The following TMEM117 variants were observed in gnomAD, a reference collection of about 807,000 sequenced individuals.
TMEM117 encodes the protein transmembrane protein 117.
A neutral mutation model predicts 52.4 loss-of-function variants in TMEM117; 27 were observed. The observed-to-expected ratio is 0.51, with a 90% CI of 0.38 to 0.71. The LOEUF (loss-of-function observed/expected upper bound fraction) is 0.71. TMEM117 is among the 30% of genes least tolerant of loss of function. The probability of loss-of-function intolerance (pLI) is 0.00; values close to 1 mark genes in which losing one functional copy is unlikely to be tolerated. For synonymous variants in TMEM117, 215 were observed against 206.3 expected (o/e 1.04, Z -0.36); for missense variants, 556 against 630.5 (o/e 0.88, Z 1.26).
intron 3 of TMEM117, among the ~76,000 whole-genome samples, chr12:44,032,758 C>T (rs1425027436): frequency 7.2e-5 from 11 of 152,180 alleles, no homozygotes. Context: ...TGCTTTCTGA[C>T]TGAGCTCCTC....
intron 2 of TMEM117, among the ~76,000 whole-genome samples, chr12:43,884,526 G>T (rs547519869): frequency 1.3e-5 from 2 of 152,006 alleles, no homozygotes; most frequent in South Asian, 2.1e-4. Flanking sequence ...TTGATGAGGG[G>T]GTTTTGATCC....
chr12:44,212,258 A>G (rs571832647), intron 5 of TMEM117, among the ~76,000 whole-genome samples: 7 of 152,246 alleles, frequency 4.6e-5, no homozygotes, highest in African/African-American at 1.2e-4. Flanking sequence ...CGGGAGATCA[A>G]TCGTCTCTTT....
chr12:44,049,922 G>C (rs563465752), intron 3 of TMEM117, among the ~76,000 whole-genome samples: 9 of 152,336 alleles, frequency 5.9e-5, no homozygotes, highest in Admixed American at 5.2e-4. Flanking sequence ...TTGATACTTA[G>C]TGAGTAATAA....
rs1386658258 is a variant in TMEM117 at position 44,264,397 on chromosome 12, C to T, written c.609-35183C>T. ...AGAATCCCCTATCAGCTATGCTAGT[C>T]CCCTCCATATTTGTTACCTTAACTC... On this transcript the variant is annotated intron_variant, in intron 5 of 7. Coordinates refer to ENST00000266534, the MANE Select transcript of TMEM117 (RefSeq NM_032256.3). Among the ~76,000 whole-genome samples the T allele has an allele frequency of 2.6e-5, 4 of 152,134 alleles. No individual in the cohort carries two copies. In the East Asian group the frequency reaches 7.7e-4, roughly 29 times the overall value.
chr12:44,390,215 C>A (rs994592796), downstream of TMEM117, among the ~76,000 whole-genome samples: 4 of 151,832 alleles, frequency 2.6e-5, no homozygotes, highest in Admixed American at 6.6e-5. Context: ...CACACACACA[C>A]ACACACACAC....
chr12:43,933,718 A>G lies in TMEM117; in HGVS notation c.278-10492A>G, dbSNP rs1368888966. Among the ~76,000 whole-genome samples the G allele has an allele frequency of 3.3e-5, 5 of 150,766 alleles. No homozygotes were observed. The East Asian group carries it at 1.0e-3, about 30-fold the overall frequency. On this transcript the variant is annotated intron_variant, in intron 2 of 7. Transcript: ENST00000266534. ...GCTGGGAGTACAGGCGCGTGCCACC[A>G]CACCCAGCTAATTTTTGTATTTTTA... is the stretch of plus-strand genomic sequence containing the variant.
chr12:44,249,133 G>GC (rs1321584907), intron 5 of TMEM117: 3 of 152,256 alleles, frequency 2.0e-5, no homozygotes, highest in Admixed American at 6.5e-5. Context: ...ACATAGCAGA[G>GC]CAGGAGCAAG....
intron 4 of TMEM117, among the ~76,000 whole-genome samples, chr12:44,167,484 C>T (rs751694956): frequency 7.9e-5 from 12 of 151,802 alleles, no homozygotes; most frequent in South Asian, 6.2e-4. Context: ...CTGGCTAACA[C>T]GGTGAAACCC....
At chr12:44,358,101 A>G (rs1334850644) in intron 6 of TMEM117, among the ~76,000 whole-genome samples, 1 of 152,184 alleles carries the variant, frequency 6.6e-6, no homozygotes, top group Admixed American at 6.6e-5. Context: ...GTTGTCACTT[A>G]TAAGTGGGAG....
intron 2 of TMEM117, among the ~76,000 whole-genome samples, chr12:43,901,630 A>T (rs924303123): frequency 6.6e-6 from 1 of 152,174 alleles, no homozygotes; most frequent in African/African-American, 2.4e-5. Context: ...TAACTTATTT[A>T]CATGTGTCAT....
At chr12:44,340,539 A>G (rs1414513527) in intron 6 of TMEM117, among the ~76,000 whole-genome samples, 1 of 152,100 alleles carries the variant, frequency 6.6e-6, no homozygotes, top group Non-Finnish European at 1.5e-5. Flanking sequence ...GTCTCGAGCT[A>G]CAGAGGCCCT....
chr12:44,018,591 C>T (rs567461706), intron 3 of TMEM117, among the ~76,000 whole-genome samples: 1 of 152,238 alleles, frequency 6.6e-6, no homozygotes, highest in South Asian at 2.1e-4. Flanking sequence ...TAAATGGAGA[C>T]TTCTGCTATT....
chr12:44,331,115 T>C (rs1951264610), intron 6 of TMEM117, among the ~76,000 whole-genome samples: 1 of 151,932 alleles, frequency 6.6e-6, no homozygotes, highest in Admixed American at 6.6e-5. Flanking sequence ...GACCACTGAA[T>C]ATTTGATTTA....
intron 3 of TMEM117, among the ~76,000 whole-genome samples, chr12:43,976,397 G>A (rs988398960): frequency 1.3e-5 from 2 of 149,926 alleles, no homozygotes; most frequent in East Asian, 3.9e-4. Context: ...AAGAGAGTTA[G>A]CAGCCCCCCT....
chr12:43,932,823 G>T (rs1191871065), intron 2 of TMEM117, among the ~76,000 whole-genome samples: 1 of 152,156 alleles, frequency 6.6e-6, no homozygotes, highest in Non-Finnish European at 1.5e-5. Flanking sequence ...TAGCACATTT[G>T]CAGGTACAAG....
chr12:44,309,033 A>T (rs17094415), intron 6 of TMEM117, among the ~76,000 whole-genome samples: 1,543 of 152,330 alleles, frequency 0.01, 30 homozygotes, highest in African/African-American at 0.035. Context: ...AGAACTTTGT[A>T]GGCAATGGAA....
At chr12:43,945,213 C>T (rs73100975) in intron 3 of TMEM117, among the ~76,000 whole-genome samples, 26,276 of 152,062 alleles carry the variant, frequency 0.17, 3,479 homozygotes, top group African/African-American at 0.36. Flanking sequence ...AAATATGTGC[C>T]AACAAGTAGT....
At chr12:44,389,828 T>C (rs532349901), downstream of TMEM117, 6 of 152,220 alleles carry the variant, frequency 3.9e-5, no homozygotes, top group African/African-American at 1.2e-4. Context: ...CATGGGGTTT[T>C]TATAGCTTGA....
chr12:43,802,103 G>A, the TMEM117 span, among the ~76,000 whole-genome samples: 1 of 152,114 alleles, frequency 6.6e-6, no homozygotes, highest in Non-Finnish European at 1.5e-5. Context: ...TTGATTTCAA[G>A]GGCAAAACTC....
Sources: allele counts gnomAD v4.1 joint callset (sites outside exome capture counted in the v4.1 genomes callset), GRCh38; gene constraint gnomAD v4.1.1; transcripts MANE v1.5; gene names NCBI Gene and HGNC (gene_info 2026-07-23, HGNC 2026-07-21).